The following CCNY variants were observed in gnomAD, a reference collection of about 807,000 sequenced individuals.
The protein encoded by CCNY is cyclin Y.
Under a neutral mutation model 42.8 loss-of-function variants are expected in CCNY, and 19 were observed. The ratio of observed to expected loss-of-function variants is 0.44; its 90% confidence interval spans 0.31 to 0.65. The LOEUF (loss-of-function observed/expected upper bound fraction) is 0.65, where lower values mean the gene tolerates loss of function less well. Ranked by LOEUF, CCNY falls within the 30% of genes least tolerant of loss-of-function variation. The pLI, the probability that CCNY is intolerant of heterozygous loss-of-function variation, is 0.07. For missense variants in CCNY, 370 were observed against 437.3 expected, an observed-to-expected ratio of 0.85 and a Z score of 1.37; for synonymous variants, 165 against 162.7, an observed-to-expected ratio of 1.01 and a Z score of -0.11.
intron 1 of CCNY, among the ~76,000 whole-genome samples, chr10:35,439,224 A>G (rs1362514664): frequency 1.3e-5 from 2 of 152,072 alleles, no homozygotes; most frequent in Admixed American, 1.3e-4. Flanking sequence ...CTCCCTTGGT[A>G]CTCTGATGAT....
chr10:35,344,344 C>G (rs767929533), intron 1 of CCNY, among the ~76,000 whole-genome samples: 22 of 152,102 alleles, frequency 1.4e-4, no homozygotes, highest in Non-Finnish European at 2.2e-4. Context: ...GAGGGGCCTC[C>G]GTCCTGCTGA....
chr10:35,268,756 G>A (rs1270542651), intron 3 of CCNY, among the ~76,000 whole-genome samples: 12 of 152,334 alleles, frequency 7.9e-5, no homozygotes, highest in African/African-American at 2.4e-4. Context: ...TGCCACCAAG[G>A]TTTATGGCCT....
chr10:35,529,891 T>G, intron 5 of CCNY, 82 bp from the exon 6 acceptor site: 1 of 1,327,122 alleles, frequency 7.5e-7, no homozygotes, highest in Non-Finnish European at 1.1e-6. Flanking sequence ...AAAAAAGTCA[T>G]TGAATTAAAA....
At chr10:35,491,493 G>A (rs942891661) in intron 2 of CCNY, among the ~76,000 whole-genome samples, 9 of 152,162 alleles carry the variant, frequency 5.9e-5, no homozygotes, top group African/African-American at 2.2e-4. Flanking sequence ...TTCCAGAGAT[G>A]TTTTCTGCCG....
At chr10:35,461,528 C>A (rs1839157625) in intron 1 of CCNY, among the ~76,000 whole-genome samples, 1 of 152,098 alleles carries the variant, frequency 6.6e-6, no homozygotes, top group East Asian at 1.9e-4. Context: ...TCTGACTTAG[C>A]AGGGTGCTTT....
At chr10:35,559,180 C>T (rs1029464708) in intron 8 of CCNY, among the ~76,000 whole-genome samples, 1 of 152,176 alleles carries the variant, frequency 6.6e-6, no homozygotes, top group African/African-American at 2.4e-5. Context: ...GTCCAAGGTG[C>T]TTATGGTGAG....
chr10:35,258,132 G>A (rs1373108637), intron 3 of CCNY, among the ~76,000 whole-genome samples: 1 of 152,204 alleles, frequency 6.6e-6, no homozygotes, highest in Non-Finnish European at 1.5e-5. Context: ...CTGCACTCCA[G>A]CCTGGGCGAC....
intron 7 of CCNY, among the ~76,000 whole-genome samples, chr10:35,541,203 A>G (rs1222430283): frequency 6.6e-6 from 1 of 152,094 alleles, no homozygotes; most frequent in African/African-American, 2.4e-5. Flanking sequence ...TCATTTCCAT[A>G]GATGTATTTT....
At chr10:35,274,116 C>T (rs948683995) in intron 3 of CCNY, among the ~76,000 whole-genome samples, 1 of 152,204 alleles carries the variant, frequency 6.6e-6, no homozygotes, top group Non-Finnish European at 1.5e-5. Context: ...GACTCAGTTT[C>T]ACATGGCTGG....
At chr10:35,323,059 G>A (rs769957676) in intron 3 of CCNY, among the ~76,000 whole-genome samples, 5 of 152,126 alleles carry the variant, frequency 3.3e-5, no homozygotes, top group South Asian at 4.2e-4. Flanking sequence ...CCCAAGTAGC[G>A]GGATTACAGG....
At chr10:35,540,807 A>G (rs1426954565) in intron 7 of CCNY, among the ~76,000 whole-genome samples, 1 of 152,182 alleles carries the variant, frequency 6.6e-6, no homozygotes, top group Non-Finnish European at 1.5e-5. Flanking sequence ...GTTGTCATGC[A>G]GTTGTTCCAC....
intron 1 of CCNY, among the ~76,000 whole-genome samples, chr10:35,476,204 T>C (rs930088207): frequency 2.0e-5 from 3 of 152,168 alleles, no homozygotes; most frequent in African/African-American, 7.2e-5. Flanking sequence ...TAACACCCAC[T>C]GTCAACATTA....
chr10:35,370,859 GCACCTGCCA>G (rs1836919902), intron 1 of CCNY, among the ~76,000 whole-genome samples: 1 of 151,462 alleles, frequency 6.6e-6, no homozygotes, highest in Non-Finnish European at 1.5e-5. Flanking sequence ...GAGACTACAG[GCACCTGCCA>G]CCACGCCCGG....
At chr10:35,426,769 C>T (rs1403294092) in intron 1 of CCNY, among the ~76,000 whole-genome samples, 1 of 152,184 alleles carries the variant, frequency 6.6e-6, no homozygotes, top group Non-Finnish European at 1.5e-5. Context: ...TTCAGAAACC[C>T]TTCCCCACTG....
intron 4 of CCNY, among the ~76,000 whole-genome samples, chr10:35,524,607 T>C (rs1840613168): frequency 6.6e-6 from 1 of 152,208 alleles, no homozygotes. Flanking sequence ...CCTATGTTCT[T>C]AGAGGCTTAA....
intron 3 of CCNY, among the ~76,000 whole-genome samples, chr10:35,254,830 CA>C (rs748535872): frequency 5.3e-3 from 200 of 38,082 alleles, no homozygotes; most frequent in East Asian, 0.017. Context: ...GACCCTGTCT[CA>C]AAAAAAAAAA....
chr10:35,329,422 G>A (rs919483494), intron 3 of CCNY, among the ~76,000 whole-genome samples: 4 of 152,002 alleles, frequency 2.6e-5, no homozygotes, highest in African/African-American at 7.3e-5. Flanking sequence ...TTTTCATCCC[G>A]TAACTGTTTT....
At chr10:35,477,133 T>A (rs1589146480) in intron 1 of CCNY, among the ~76,000 whole-genome samples, 1 of 151,964 alleles carries the variant, frequency 6.6e-6, no homozygotes, top group Non-Finnish European at 1.5e-5. Flanking sequence ...TCTGAAATTG[T>A]GGCAATAATC....
At chr10:35,562,451 CT>C (rs1841485107) in intron 8 of CCNY, among the ~76,000 whole-genome samples, 1 of 152,236 alleles carries the variant, frequency 6.6e-6, no homozygotes, top group South Asian at 2.1e-4. Context: ...AACTCTCCCC[CT>C]GTTAAACACT....
Sources: allele counts gnomAD v4.1 joint callset (sites outside exome capture counted in the v4.1 genomes callset), GRCh38; gene constraint gnomAD v4.1.1; transcripts MANE v1.5; gene names NCBI Gene and HGNC (gene_info 2026-07-23, HGNC 2026-07-21).